The following KHDRBS2 variants were observed in gnomAD, a reference collection of about 807,000 sequenced individuals.
KHDRBS2 encodes the protein KH domain-containing, RNA-binding, signal transduction-associated protein 2.
KHDRBS2 carries 26 observed loss-of-function variants against 44.3 expected under a neutral mutation model. The ratio of observed to expected loss-of-function variants is 0.59; its 90% confidence interval spans 0.43 to 0.81. The LOEUF is 0.81. Among genes scored for constraint, KHDRBS2 ranks in the 40% least tolerant of loss-of-function variants. KHDRBS2 has a pLI of 0.00. For synonymous variants in KHDRBS2, 194 were observed against 151.1 expected (o/e 1.28, Z -2.08); for missense variants, 476 against 433.1 (o/e 1.10, Z -0.88).
chr6:61,695,973 T>C (rs1478200177), intron 8 of KHDRBS2, among the ~76,000 whole-genome samples: 1 of 152,058 alleles, frequency 6.6e-6, no homozygotes, highest in East Asian at 1.9e-4. Flanking sequence ...TTATTTAATT[T>C]ATTTATTTTT....
chr6:61,890,544 T>C (rs1474482890), intron 6 of KHDRBS2, among the ~76,000 whole-genome samples: 1 of 152,156 alleles, frequency 6.6e-6, no homozygotes, highest in Non-Finnish European at 1.5e-5. Context: ...CTAACTACTA[T>C]TACCTGAAAA....
intron 7 of KHDRBS2, among the ~76,000 whole-genome samples, chr6:61,712,864 T>C (rs1262767043): frequency 6.6e-6 from 1 of 151,722 alleles, no homozygotes; most frequent in Non-Finnish European, 1.5e-5. Context: ...TCCTATAATT[T>C]AATAGTACTG....
chr6:62,284,812 A>T (rs530163837), intron 1 of KHDRBS2, among the ~76,000 whole-genome samples: 1 of 152,308 alleles, frequency 6.6e-6, no homozygotes, highest in Non-Finnish European at 1.5e-5. Context: ...AGCAGAATTT[A>T]TTCTTCCTTG....
intron 4 of KHDRBS2, among the ~76,000 whole-genome samples, chr6:61,970,227 T>A (rs1055210109): frequency 1.2e-4 from 19 of 152,144 alleles, no homozygotes; most frequent in East Asian, 1.9e-4. Context: ...TAATTCATTA[T>A]TGAACTCCCA....
chr6:61,764,325 A>T (rs889894366), intron 6 of KHDRBS2, among the ~76,000 whole-genome samples: 5 of 152,200 alleles, frequency 3.3e-5, no homozygotes, highest in Non-Finnish European at 5.9e-5. Flanking sequence ...TAGAACGATT[A>T]TATTCCTTTG....
At position 62,008,533 on chromosome 6, in the gene KHDRBS2, A is replaced by C. The variant is rs1779690474; in HGVS notation, c.337-30321T>G. Among the ~76,000 whole-genome samples the C allele has an allele frequency of 2.6e-5, 4 of 152,176 alleles. No individual in the cohort carries two copies. In the South Asian group the frequency reaches 8.3e-4, roughly 32 times the overall value. ...TAATCAATACAGGATTCCACTCCTAAGTGGTGTATATACAAGCTAATTTTG... is the reference window on the plus strand; with the variant it reads ...TAATCAATACAGGATTCCACTCCTACGTGGTGTATATACAAGCTAATTTTG... On this transcript the variant is annotated intron_variant, in intron 3 of 8. Transcript: ENST00000281156.
intron 4 of KHDRBS2, among the ~76,000 whole-genome samples, chr6:61,908,398 G>T (rs1805419232): frequency 6.6e-6 from 1 of 152,014 alleles, no homozygotes; most frequent in African/African-American, 2.4e-5. Flanking sequence ...ACTTTGGGAG[G>T]CCGAGGCGGG....
chr6:62,015,607 G>A (rs762371579), intron 3 of KHDRBS2, among the ~76,000 whole-genome samples: 11 of 152,012 alleles, frequency 7.2e-5, no homozygotes, highest in Non-Finnish European at 7.4e-5. Flanking sequence ...GACAAAAACC[G>A]AAAAGCTTTG....
intron 1 of KHDRBS2, among the ~76,000 whole-genome samples, chr6:62,235,381 C>A (rs1833547137): frequency 6.6e-6 from 1 of 151,978 alleles, no homozygotes; most frequent in South Asian, 2.1e-4. Flanking sequence ...CACCTATTTA[C>A]CAGTCTGCAT....
chr6:61,858,263 T>G, intron 6 of KHDRBS2, among the ~76,000 whole-genome samples: 1 of 151,480 alleles, frequency 6.6e-6, no homozygotes, highest in East Asian at 1.9e-4. Context: ...AAAAAAAAAC[T>G]ATATAATGTA....
At chr6:61,649,763 C>G in the KHDRBS2 span, among the ~76,000 whole-genome samples, 8 of 152,172 alleles carry the variant, frequency 5.3e-5, no homozygotes, top group African/African-American at 1.9e-4. Flanking sequence ...TTATTGATAG[C>G]TACATAACCA....
intron 3 of KHDRBS2, among the ~76,000 whole-genome samples, chr6:61,985,395 G>A (rs1774861399): frequency 6.6e-6 from 1 of 151,904 alleles, no homozygotes; most frequent in Admixed American, 6.6e-5. Context: ...TATAGCCCAG[G>A]GTCCAGCAAG....
At chr6:61,817,923 A>T (rs1005818) in intron 6 of KHDRBS2, among the ~76,000 whole-genome samples, 10,575 of 152,076 alleles carry the variant, frequency 0.07, 736 homozygotes, top group African/African-American at 0.17. Context: ...TAGAGTGTTG[A>T]TATGCCTAAG....
At chr6:61,869,987 T>TC (rs1554252175) in intron 6 of KHDRBS2, among the ~76,000 whole-genome samples, 24 of 149,314 alleles carry the variant, frequency 1.6e-4, no homozygotes, top group East Asian at 5.9e-4. Context: ...TTTTTTTTTT[T>TC]CCCCATACTA....
rs147002542 is a variant in KHDRBS2 at position 62,001,734 on chromosome 6, G to C, written c.337-23522C>G. ...GTCTTTCCATGAAATACCACACAGA[G>C]AGTCTGCAAACATTAATGATACATA... On this transcript the variant is annotated intron_variant, in intron 3 of 8. Coordinates refer to ENST00000281156, the MANE Select transcript of KHDRBS2 (RefSeq NM_152688.4). Among the ~76,000 whole-genome samples, 679 of 152,176 alleles carry C rather than the reference G, an allele frequency of 4.5e-3. 6 individuals carry two copies. The highest frequency in any genetic ancestry group is 0.015 in the African/African-American group (643 of 41,544).
intron 1 of KHDRBS2, among the ~76,000 whole-genome samples, chr6:62,246,122 A>ATATATATATT (rs2150171075): frequency 6.8e-6 from 1 of 146,096 alleles, no homozygotes; most frequent in African/African-American, 2.5e-5. Context: ...ATATATATAT[A>ATATATATATT]TATATATATA....
At chr6:61,942,981 G>GAAA (rs1812441671) in intron 4 of KHDRBS2, among the ~76,000 whole-genome samples, 1 of 141,276 alleles carries the variant, frequency 7.1e-6, no homozygotes, top group Admixed American at 7.4e-5. Flanking sequence ...GGGAGGGAGG[G>GAAA]GGAGGTAGGG....
Position 61,738,239 on chromosome 6 carries a change from A to G in KHDRBS2, c.811-5475T>C, listed in dbSNP as rs948020962. Among the ~76,000 whole-genome samples, 3 of 152,028 alleles carry G rather than the reference A, an allele frequency of 2.0e-5. 1 individual carries two copies. The highest frequency in any genetic ancestry group is 4.4e-5 in the Non-Finnish European group (3 of 67,952). On this transcript the variant is annotated intron_variant, in intron 6 of 8. Coordinates refer to ENST00000281156, the MANE Select transcript of KHDRBS2 (RefSeq NM_152688.4). ...GCACATCCGATGTGTCCAGTAAAAG[A>G]AAACCTTCTAAATAAATTAACAATT...
intron 1 of KHDRBS2, among the ~76,000 whole-genome samples, chr6:62,241,448 A>C (rs1000068538): frequency 2.0e-5 from 3 of 152,236 alleles, no homozygotes; most frequent in African/African-American, 7.2e-5. Context: ...GAAATAATAA[A>C]ATAAATTGAT....
Sources: gnomAD v4.1 joint callset for allele counts (sites outside exome capture counted in the v4.1 genomes callset) on GRCh38, gnomAD v4.1.1 for gene constraint, MANE v1.5 for transcripts, NCBI Gene and HGNC (gene_info 2026-07-23, HGNC 2026-07-21) for gene names.